The following ABCA12 variants were observed in gnomAD, a reference collection of about 807,000 sequenced individuals.
The protein encoded by ABCA12 is ATP binding cassette subfamily A member 12.
ABCA12 carries 156 observed loss-of-function variants against 293.5 expected under a neutral mutation model. That is an observed-to-expected ratio of 0.53 (90% CI 0.47 to 0.61). The LOEUF is 0.61. Among genes scored for constraint, ABCA12 ranks in the 20% least tolerant of loss-of-function variants. The pLI is 0.00. For synonymous variants in ABCA12, 1,063 were observed against 1,108.0 expected (o/e 0.96, Z 0.81); for missense variants, 2,797 against 3,090.2 (o/e 0.91, Z 2.25).
intron 3 of ABCA12, among the ~76,000 whole-genome samples, chr2:215,059,861 C>A (rs1403829): frequency 1 from 152,012 of 152,168 alleles, 75,929 homozygotes; most frequent in Middle Eastern, 1. Context: ...TATTCCTGTA[C>A]GCCAACTATG....
At chr2:214,989,733 C>T (rs770130268) in intron 24 of ABCA12, 112 bp from the exon 25 acceptor site, 4 of 1,126,782 alleles carry the variant, frequency 3.5e-6, no homozygotes, top group South Asian at 1.5e-5. Flanking sequence ...AATTGATGCT[C>T]ATTCTCTAAG....
chr2:214,984,867 T>A (rs1279507038), intron 28 of ABCA12, among the ~76,000 whole-genome samples: 1 of 152,176 alleles, frequency 6.6e-6, no homozygotes, highest in Admixed American at 6.5e-5. Flanking sequence ...TCTTTGGTCA[T>A]CTCTAGTCCT....
At chr2:215,123,161 A>T (rs923632350) in intron 1 of ABCA12, among the ~76,000 whole-genome samples, 10 of 151,408 alleles carry the variant, frequency 6.6e-5, no homozygotes, top group Non-Finnish European at 1.5e-4. Flanking sequence ...TATATACCAC[A>T]TTTTCTTTTT....
rs1229008571 is a variant in ABCA12 at position 214,983,563 on chromosome 2, T to C, written c.4382+84A>G. On this transcript the variant is annotated intron_variant, in intron 29 of 52. Transcript: ENST00000272895. ...TTCGTGAGAAAATATTTCCTATTGG[T>C]ATCATTACCAGAACTTTACCAACCA... 17 of 1,127,208 alleles carry C rather than the reference T, an allele frequency of 1.5e-5. No homozygotes were observed. The East Asian group carries it at 2.1e-4, about 14-fold the overall frequency. 69.8% of individuals were successfully genotyped at this position (1,127,208 alleles called of 1,614,324 possible). A position where few individuals can be genotyped will look rare whatever the true frequency, so the allele number is the denominator to read the frequency against.
In ABCA12 at chr2:214,932,314, ACTGT is replaced by A. The variant is rs749021141; in HGVS notation, c.*316_*319del. On this transcript the variant is annotated 3_prime_UTR_variant, in exon 53 of 53. Transcript: ENST00000272895. ...AACTACCAAAATCCATGCCTTTTAA[ACTGT>A]CTTTTTATTGAAAGTAATAAATTAA... 1.4e-5 allele frequency: 4 copies of A among 292,578 alleles called. No homozygotes were observed. The highest frequency in any genetic ancestry group is 7.8e-5 in the South Asian group (2 of 25,736). 18.1% of individuals were successfully genotyped at this position (292,578 alleles called of 1,614,324 possible).
intron 33 of ABCA12, among the ~76,000 whole-genome samples, chr2:214,976,676 C>T (rs947244604): frequency 5.9e-5 from 9 of 151,976 alleles, no homozygotes; most frequent in African/African-American, 2.2e-4. Context: ...CCTTTCAAAA[C>T]TCCATTTTTG....
In ABCA12 at chr2:214,991,048, T is replaced by A. The variant is rs769396439; in HGVS notation, c.3295-17A>T. 6.2e-7 allele frequency: 1 copy of A among 1,608,290 alleles called. No homozygotes were observed. The highest frequency in any genetic ancestry group is 2.2e-5 in the East Asian group (1 of 44,828). On this transcript the variant is annotated splice_polypyrimidine_tract_variant and intron_variant, in intron 23 of 52. Coordinates refer to ENST00000272895, the MANE Select transcript of ABCA12 (RefSeq NM_173076.3). ...CTTCATGTACTGTAAGAAGAAAAAA[T>A]GTGAGGCGCTTGTTATGCTGATATT...
At chr2:215,050,819 T>C (rs948607013) in intron 5 of ABCA12, 90 of 985,252 alleles carry the variant, frequency 9.1e-5, no homozygotes, top group Non-Finnish European at 1.1e-4. Context: ...CTACTCATTC[T>C]TGCAAGTGTT....
Position 214,970,295 on chromosome 2 carries a change from C to T in ABCA12, c.5668G>A (p.Ala1890Thr). ...TACCTTTTTTGGACAAACTCATTTGCAGTTGATATAAGATAATTTTCCACT... is the reference window on the plus strand; with the variant it reads ...TACCTTTTTTGGACAAACTCATTTGTAGTTGATATAAGATAATTTTCCACT... ...QRVENYLIST[A>T]NEFVQKRYGG... Residue 1890 changes from alanine to threonine, a missense_variant, in exon 37 of 53, where the codon GCA (alanine) becomes ACA (threonine). By Grantham distance (58) the Ala-to-Thr change is moderately conservative. Coordinates refer to ENST00000272895, the MANE Select transcript of ABCA12 (RefSeq NM_173076.3). 6.2e-7 allele frequency: 1 copy of T among 1,612,258 alleles called. No homozygotes were observed. The highest frequency in any genetic ancestry group is 8.5e-7 in the Non-Finnish European group (1 of 1,179,074).
intron 2 of ABCA12, among the ~76,000 whole-genome samples, chr2:215,071,593 G>T (rs1701739631): frequency 6.6e-6 from 1 of 152,032 alleles, no homozygotes; most frequent in Non-Finnish European, 1.5e-5. Flanking sequence ...ATCACCAGGG[G>T]GTAAATTAAC....
intron 2 of ABCA12, chr2:215,075,471 C>T (rs1176311396): frequency 1.7e-5 from 11 of 661,186 alleles, no homozygotes; most frequent in Non-Finnish European, 2.7e-5. Context: ...GAGCGAGAGT[C>T]AAAAAGCATC....
chr2:215,027,929 G>T (rs1700784821), intron 9 of ABCA12, among the ~76,000 whole-genome samples: 1 of 151,910 alleles, frequency 6.6e-6, no homozygotes, highest in African/African-American at 2.4e-5. Context: ...TAAGGAAAGG[G>T]CCTAAGATTT....
intron 31 of ABCA12, among the ~76,000 whole-genome samples, chr2:214,980,055 G>A (rs373748737): frequency 1.3e-3 from 199 of 152,210 alleles, no homozygotes; most frequent in African/African-American, 4.5e-3. Context: ...CTTCATATTC[G>A]TTTTATTTGC....
intron 14 of ABCA12, among the ~76,000 whole-genome samples, chr2:215,016,105 T>C (rs758553614): frequency 2.7e-5 from 4 of 149,646 alleles, no homozygotes; most frequent in East Asian, 2.0e-4. Context: ...GATTGCGCCA[T>C]TGCACTCCAG....
chr2:214,992,915 A>T (rs1355277511), intron 23 of ABCA12, among the ~76,000 whole-genome samples: 1 of 152,208 alleles, frequency 6.6e-6, no homozygotes, highest in Non-Finnish European at 1.5e-5. Flanking sequence ...ACAGCTTTAT[A>T]ACCCAATTTT....
At chr2:215,031,349 G>T (rs1464537577) in intron 9 of ABCA12, among the ~76,000 whole-genome samples, 1 of 152,192 alleles carries the variant, frequency 6.6e-6, no homozygotes, top group African/African-American at 2.4e-5. Context: ...TGGTATGAAT[G>T]AGTATGTTCT....
At chr2:215,056,211 A>T (rs1013102366) in intron 3 of ABCA12, among the ~76,000 whole-genome samples, 4 of 152,054 alleles carry the variant, frequency 2.6e-5, no homozygotes, top group African/African-American at 9.7e-5. Context: ...AGGCAATAGG[A>T]AACTAAGCAA....
At chr2:215,052,367 T>C in intron 5 of ABCA12, 120 bp downstream of exon 5, 1 of 807,090 alleles carries the variant, frequency 1.2e-6, no homozygotes, top group Non-Finnish European at 2.1e-6. Context: ...AGAAGTTGCC[T>C]GAGATATTAC....
In ABCA12 at chr2:214,954,177, G is replaced by C. The variant is rs575499026; in HGVS notation, c.6394-70C>G. The C allele has an allele frequency of 1.0e-3, 1,526 of 1,511,018 alleles. 25 individuals carry two copies. The South Asian group carries it at 0.013, about 13-fold the overall frequency. The allele number at this position is 1,511,018 out of a possible 1,614,324, so 93.6% of individuals were successfully genotyped here. A position where few individuals can be genotyped will look rare whatever the true frequency, so the allele number is the denominator to read the frequency against. On this transcript the variant is annotated intron_variant, in intron 43 of 52. Coordinates refer to ENST00000272895, the MANE Select transcript of ABCA12 (RefSeq NM_173076.3). ...AAAAGCTGACAAAAATTTAAAACTAGATGGATGTAGACAAATAGTGAAACC... is the reference window on the plus strand; with the variant it reads ...AAAAGCTGACAAAAATTTAAAACTACATGGATGTAGACAAATAGTGAAACC...
Sources: allele counts gnomAD v4.1 joint callset (sites outside exome capture counted in the v4.1 genomes callset), GRCh38; gene constraint gnomAD v4.1.1; transcripts MANE v1.5; gene names NCBI Gene and HGNC (gene_info 2026-07-23, HGNC 2026-07-21).